Variants in PMVK observed in about 807,000 individuals in gnomAD.
PMVK encodes phosphomevalonate kinase.
PMVK carries 10 observed loss-of-function variants against 19.0 expected under a neutral mutation model. The ratio of observed to expected loss-of-function variants is 0.53; its 90% CI spans 0.32 to 0.89. The LOEUF is 0.89. PMVK is among the 40% of genes least tolerant of loss of function. The probability of loss-of-function intolerance (pLI) is 0.03; values close to 1 mark genes in which losing one functional copy is unlikely to be tolerated. For synonymous variants in PMVK, 108 were observed against 101.6 expected, an observed-to-expected ratio of 1.06 and a Z score of -0.38; for missense variants, 222 against 251.1, an observed-to-expected ratio of 0.88 and a Z score of 0.78.
At chr1:154,927,448 CAAAAAAA>C (rs59872946) in intron 3 of PMVK, among the ~76,000 whole-genome samples, 2 of 35,544 alleles carry the variant, frequency 5.6e-5, no homozygotes, top group Non-Finnish European at 1.2e-4. Flanking sequence ...GACTCTGTCT[CAAAAAAA>C]AAAAAAAAAA....
At chr1:154,934,822 G>A (rs1654451394) in intron 1 of PMVK, among the ~76,000 whole-genome samples, 1 of 152,046 alleles carries the variant, frequency 6.6e-6, no homozygotes, top group Admixed American at 6.6e-5. Flanking sequence ...CAGCACTCTG[G>A]GAGGCCGAGG....
chr1:154,931,129 C>T (rs1321128324), intron 2 of PMVK, among the ~76,000 whole-genome samples: 2 of 152,156 alleles, frequency 1.3e-5, no homozygotes, highest in Admixed American at 1.3e-4. Context: ...GTTATTCTTA[C>T]AATTCCTCAG....
chr1:154,941,977 G>C, the PMVK span, among the ~76,000 whole-genome samples: 109 of 152,268 alleles, frequency 7.2e-4, 1 homozygote, highest in East Asian at 6.0e-3. Context: ...AGGACGGGAG[G>C]GGGGAATGCA....
chr1:154,942,388 C>G, the PMVK span, among the ~76,000 whole-genome samples: 1 of 152,190 alleles, frequency 6.6e-6, no homozygotes, highest in Non-Finnish European at 1.5e-5. Flanking sequence ...CACACTGGGC[C>G]CATGGTCAGG....
chr1:154,929,982 C>A (rs1654285894), intron 2 of PMVK, among the ~76,000 whole-genome samples: 1 of 152,176 alleles, frequency 6.6e-6, no homozygotes, highest in African/African-American at 2.4e-5. Context: ...TGCTCCTGAA[C>A]CAGTTTCCCT....
chr1:154,937,342 A>G (rs1016871798), upstream of PMVK: 3 of 152,378 alleles, frequency 2.0e-5, no homozygotes, highest in African/African-American at 7.2e-5. Flanking sequence ...ATTGTCAAGC[A>G]GATTTTATAA....
upstream of PMVK, among the ~76,000 whole-genome samples, chr1:154,941,632 G>A (rs892210128): frequency 6.6e-6 from 1 of 152,010 alleles, no homozygotes; most frequent in Non-Finnish European, 1.5e-5. Context: ...CCAGCCGGAC[G>A]AGGCTGGGAG....
intron 1 of PMVK, among the ~76,000 whole-genome samples, chr1:154,936,114 G>A (rs1403633459): frequency 6.6e-6 from 1 of 152,054 alleles, no homozygotes; most frequent in Non-Finnish European, 1.5e-5. Flanking sequence ...ACAGGGTCTC[G>A]CTCTGTCGCC....
intron 3 of PMVK, among the ~76,000 whole-genome samples, chr1:154,927,345 G>C (rs953442780): frequency 6.6e-6 from 1 of 151,490 alleles, no homozygotes; most frequent in South Asian, 2.1e-4. Flanking sequence ...CTACTCGGGA[G>C]GCTGATGCAC....
chr1:154,941,215 C>T (rs76751763), upstream of PMVK, among the ~76,000 whole-genome samples: 1,810 of 152,320 alleles, frequency 0.012, 38 homozygotes, highest in African/African-American at 0.042. Context: ...ACAGGCCCAG[C>T]CAGAAGAACA....
upstream of PMVK, among the ~76,000 whole-genome samples, chr1:154,940,419 G>C (rs911618796): frequency 1.3e-5 from 2 of 152,150 alleles, no homozygotes; most frequent in African/African-American, 2.4e-5. Context: ...GTGGAGGGTG[G>C]GGGGAATGGT....
In PMVK at chr1:154,930,176, C is replaced by G. The variant is rs553256767; in HGVS notation, c.160-1000G>C. Among the ~76,000 whole-genome samples the G allele has an allele frequency of 9.8e-4, 149 of 152,352 alleles. No homozygotes were observed. In the South Asian group the frequency reaches 0.028, roughly 28 times the overall value. ...TCCATGGAGCTTTTAAAAATGCAAA[C>G]TGGCCAGGCACAGTGGCTCACGCCT... On this transcript the variant is annotated intron_variant, in intron 2 of 4. Coordinates refer to ENST00000368467, the MANE Select transcript of PMVK (RefSeq NM_006556.4).
At chr1:154,942,090 G>A in the PMVK span, among the ~76,000 whole-genome samples, 5 of 152,350 alleles carry the variant, frequency 3.3e-5, 1 homozygote, top group South Asian at 1.0e-3. Flanking sequence ...TAACTCTAGT[G>A]ATTCTTCCCA....
At chr1:154,936,440 G>T (rs1654506759) in intron 1 of PMVK, 151 bp downstream of exon 1, 1 of 1,457,402 alleles carries the variant, frequency 6.9e-7, no homozygotes, top group Non-Finnish European at 9.1e-7. Flanking sequence ...TTTATGTAAT[G>T]GTGGCATTCC....
chr1:154,925,857 G>C (rs933016110), intron 4 of PMVK, among the ~76,000 whole-genome samples: 3 of 152,236 alleles, frequency 2.0e-5, no homozygotes, highest in African/African-American at 7.2e-5. Context: ...CCAGAAATGA[G>C]CAGCATTAGT....
At chr1:154,938,331 C>T (rs190507387), upstream of PMVK, among the ~76,000 whole-genome samples, 7 of 152,346 alleles carry the variant, frequency 4.6e-5, no homozygotes, top group East Asian at 1.4e-3. Flanking sequence ...CCCAGGCTCA[C>T]GCCTGTAATC....
intron 3 of PMVK, among the ~76,000 whole-genome samples, chr1:154,927,471 A>C (rs1199714480): frequency 1.1e-4 from 17 of 150,408 alleles, no homozygotes; most frequent in Admixed American, 1.1e-3. Context: ...AAAAAAAAAA[A>C]AAAAACACAG....
chr1:154,932,935 A>C (rs1654381998), intron 1 of PMVK, among the ~76,000 whole-genome samples: 1 of 151,862 alleles, frequency 6.6e-6, no homozygotes, highest in African/African-American at 2.4e-5. Flanking sequence ...ACCCAGAGAT[A>C]CCATCTCCAC....
At chr1:154,932,678 T>G (rs564033677) in intron 1 of PMVK, among the ~76,000 whole-genome samples, 1 of 152,352 alleles carries the variant, frequency 6.6e-6, no homozygotes, top group East Asian at 1.9e-4. Flanking sequence ...ACCTATAAAG[T>G]GCTAATTACA....
Sources: allele counts gnomAD v4.1 joint callset (sites outside exome capture counted in the v4.1 genomes callset), GRCh38; gene constraint gnomAD v4.1.1; transcripts MANE v1.5; gene names NCBI Gene and HGNC (gene_info 2026-07-23, HGNC 2026-07-21).